Variants in PIGH observed in about 807,000 individuals in gnomAD.
PIGH encodes phosphatidylinositol N-acetylglucosaminyltransferase subunit H.
In PIGH, 11 loss-of-function variants were observed where a neutral mutation model predicts 20.1. The observed-to-expected ratio is 0.55, with a 90% CI of 0.34 to 0.91. The LOEUF is 0.91. Among genes scored for constraint, PIGH ranks in the 40% least tolerant of loss-of-function variants. The pLI is 0.02. For missense variants in PIGH, 189 were observed against 233.6 expected (o/e 0.81, Z 1.24); for synonymous variants, 72 against 93.1 (o/e 0.77, Z 1.31).
intron 3 of PIGH, 60 bp from the exon 4 acceptor site, chr14:67,590,232 G>T: frequency 1.5e-6 from 2 of 1,335,390 alleles, no homozygotes; most frequent in Non-Finnish European, 2.0e-6. Flanking sequence ...GTGCAGTGGT[G>T]CTGCATCCAC....
At chr14:67,590,232 G>A in intron 3 of PIGH, 60 bp from the exon 4 acceptor site, 1 of 1,335,394 alleles carries the variant, frequency 7.5e-7, no homozygotes. Context: ...GTGCAGTGGT[G>A]CTGCATCCAC....
Position 67,600,192 on chromosome 14 carries a change from C to T in PIGH, c.12G>A (p.Glu4=). 6.3e-7 allele frequency: 1 copy of T among 1,580,250 alleles called. No individual in the cohort carries two copies. The highest frequency in any genetic ancestry group is 8.6e-7 in the Non-Finnish European group (1 of 1,163,716). MED[E]RSFSDICGGR... ...CGCCGCAGATATCCGAAAAGCTCCG[C>T]TCATCCTCCATGACGCCCCCACTCG... Residue 4 remains glutamate, a synonymous_variant, in exon 1 of 4, where the codon GAG becomes GAA. Coordinates refer to ENST00000216452, the MANE Select transcript of PIGH (RefSeq NM_004569.5).
intron 1 of PIGH, among the ~76,000 whole-genome samples, chr14:67,594,719 T>C (rs2036438772): frequency 6.6e-6 from 1 of 151,980 alleles, no homozygotes. Context: ...AGTTATGTCC[T>C]GATAAACCCA....
Position 67,589,345 on chromosome 14 carries a change from A to G in PIGH, c.*735T>C. 1.0e-6 allele frequency: 1 copy of G among 980,104 alleles called. No individual in the cohort carries two copies. The highest frequency in any genetic ancestry group is 1.2e-6 in the Non-Finnish European group (1 of 825,108). The allele number at this position is 980,104 out of a possible 1,614,324, so 60.7% of individuals were successfully genotyped here. On this transcript the variant is annotated 3_prime_UTR_variant, in exon 4 of 4. Transcript: ENST00000216452. ...TGCTTATTTATTCTTTGTTAACATG[A>G]GAGTCCCATGTCTGAAAACCAAAGT...
In PIGH at chr14:67,592,688, A is replaced by G. The variant is rs190869461; in HGVS notation, c.421T>C (p.Leu141=). Residue 141 remains leucine, a synonymous_variant, in exon 3 of 4, where the codon TTG becomes CTG. Transcript: ENST00000216452. ...CCATGTGGTTCCACTGGATCTTTCA[A>G]TAAGATGCAGAGGTAGTAAATCACC... ...QKVIYYLCIL[L]KDPVEPHGIS... is the part of the protein sequence containing the mutation. 3.9e-4 allele frequency: 629 copies of G among 1,607,530 alleles called. 2 individuals carry two copies. Among genetic ancestry groups the G allele is most frequent in the Non-Finnish European group, 4.0e-4 (470 of 1,175,672 alleles).
At chr14:67,594,091 C>T in intron 1 of PIGH, 139 bp from the exon 2 acceptor site, 1 of 619,280 alleles carries the variant, frequency 1.6e-6, no homozygotes, top group Non-Finnish European at 2.9e-6. Flanking sequence ...TACAGTGAAA[C>T]AGATCCAGAC....
chr14:67,592,224 CAG>C lies in PIGH; in HGVS notation c.474+409_474+410del, dbSNP rs564863849. 8.7e-3 allele frequency: 2,237 copies of C among 257,150 alleles called. 27 individuals carry two copies. The highest frequency in any genetic ancestry group is 0.019 in the Middle Eastern group (12 of 634). The allele number at this position is 257,150 out of a possible 1,614,324, so 15.9% of individuals were successfully genotyped here. On this transcript the variant is annotated intron_variant, in intron 3 of 3. Transcript: ENST00000216452. ...CTGAGGCAGGAGAATTGCTTGAACT[CAG>C]GAGTTCAAGATCAGCCTAGGCAACA...
At chr14:67,595,135 T>TA (rs11345212) in intron 1 of PIGH, among the ~76,000 whole-genome samples, 1 of 151,370 alleles carries the variant, frequency 6.6e-6, no homozygotes, top group East Asian at 1.9e-4. Context: ...AGACTCCGTC[T>TA]AAAAAAAATA....
Position 67,589,924 on chromosome 14 carries a change from T to C in PIGH, c.*156A>G, listed in dbSNP as rs1040875653. 15 of 1,300,142 alleles carry C rather than the reference T, an allele frequency of 1.2e-5. No individual in the cohort carries two copies. In the African/African-American group the frequency reaches 1.7e-4, roughly 14 times the overall value. The allele number at this position is 1,300,142 out of a possible 1,614,324, so 80.5% of individuals were successfully genotyped here. The stretch of plus-strand genomic sequence containing the variant: ...ATACACGGAAATATACTGAGTTAGA[T>C]TTCCAGTCACCTGCTCTATGGCTCT... On this transcript the variant is annotated 3_prime_UTR_variant, in exon 4 of 4. Transcript: ENST00000216452.
chr14:67,591,788 C>T (rs2036374552), intron 3 of PIGH: 2 of 151,264 alleles, frequency 1.3e-5, no homozygotes, highest in South Asian at 2.1e-4. Flanking sequence ...CTGCCTCAGC[C>T]TCCCCCACAG....
At chr14:67,599,924 A>G in intron 1 of PIGH, 100 bp downstream of exon 1, 1 of 967,172 alleles carries the variant, frequency 1.0e-6, no homozygotes, top group Non-Finnish European at 1.5e-6. Context: ...TCACTGTAGG[A>G]GGGGCCGACC....
At position 67,600,238 on chromosome 14, in the gene PIGH, C is replaced by A. The variant is rs775675582; in HGVS notation, c.-35G>T. 7.3e-6 allele frequency: 11 copies of A among 1,507,312 alleles called. No individual in the cohort carries two copies. The highest frequency in any genetic ancestry group is 1.7e-4 in the Middle Eastern group (1 of 5,810). The allele number at this position is 1,507,312 out of a possible 1,614,324, so 93.4% of individuals were successfully genotyped here. On this transcript the variant is annotated 5_prime_UTR_variant, in exon 1 of 4. Coordinates refer to ENST00000216452, the MANE Select transcript of PIGH (RefSeq NM_004569.5). ...ACTCGGCCGCCCGCACCGCGCGGCG[C>A]TGCACTGCGCTCGCCGGCCCTGGCC...
chr14:67,590,202 C>A, intron 3 of PIGH, 30 bp from the exon 4 acceptor site: 6 of 1,530,582 alleles, frequency 3.9e-6, no homozygotes, highest in South Asian at 1.2e-5. Context: ...AATGCGGAGT[C>A]AAGGTGAGAA....
intron 1 of PIGH, 55 bp from the exon 2 acceptor site, chr14:67,594,007 C>A: frequency 8.3e-7 from 1 of 1,201,548 alleles, no homozygotes; most frequent in Admixed American, 1.9e-5. Context: ...CCAGTCAACT[C>A]CAGGCAATGA....
intron 3 of PIGH, chr14:67,592,338 G>T: frequency 4.5e-6 from 2 of 439,630 alleles, no homozygotes; most frequent in Non-Finnish European, 8.3e-6. Context: ...TTCTCAGGAG[G>T]CTGAGGCAGG....
chr14:67,590,304 G>C (rs1362353600), intron 3 of PIGH, 132 bp from the exon 4 acceptor site: 2 of 626,628 alleles, frequency 3.2e-6, no homozygotes, highest in African/African-American at 3.9e-5. Context: ...CCAGGCTGGA[G>C]TGCAGTGGCG....
In PIGH at chr14:67,593,819, G is replaced by C; in HGVS notation, c.314C>G (p.Ala105Gly). 4 of 1,613,530 alleles carry C rather than the reference G, an allele frequency of 2.5e-6. No individual in the cohort carries two copies. The highest frequency in any genetic ancestry group is 3.4e-6 in the Non-Finnish European group (4 of 1,179,470). Residue 105 changes from alanine to glycine, a missense_variant, in exon 2 of 4, where the codon GCT (alanine) becomes GGT (glycine). By Grantham distance (60) the Ala-to-Gly change is moderately conservative. Coordinates refer to ENST00000216452, the MANE Select transcript of PIGH (RefSeq NM_004569.5). ...SLGIQMTSSY[A>G]SGKESTTFIE... Reference sequence around the variant, plus strand: ...GAAGGTAGTGCTTTCTTTGCCTGAAGCATAAGATGAAGTCATCTGAATGCC... The same window carrying C: ...GAAGGTAGTGCTTTCTTTGCCTGAACCATAAGATGAAGTCATCTGAATGCC...
At chr14:67,598,236 A>G (rs1484719134) in intron 1 of PIGH, among the ~76,000 whole-genome samples, 1 of 152,214 alleles carries the variant, frequency 6.6e-6, no homozygotes, top group African/African-American at 2.4e-5. Context: ...AAAGTGTTGC[A>G]GTAGAGTTTA....
rs765430132 is a variant in PIGH at position 67,593,880 on chromosome 14, T to G, written c.253A>C (p.Ile85Leu). Reference sequence around the variant, plus strand: ...ATGATTAACAGAGTCTCCTGATCAATCTTCACAAAATGGAGATAACCAAGC... The same window carrying G: ...ATGATTAACAGAGTCTCCTGATCAAGCTTCACAAAATGGAGATAACCAAGC... Reference protein sequence around the residue: ...GLLGYLHFVKIDQETLLIIDS... With the variant: ...GLLGYLHFVKLDQETLLIIDS... Residue 85 changes from isoleucine to leucine, a missense_variant, in exon 2 of 4, where the codon ATT (isoleucine) becomes CTT (leucine). By Grantham distance (5) the Ile-to-Leu change is conservative (BLOSUM62 2). Transcript: ENST00000216452. 3 of 1,613,412 alleles carry G rather than the reference T, an allele frequency of 1.9e-6. No homozygotes were observed. Among genetic ancestry groups the G allele is most frequent in the Non-Finnish European group, 1.7e-6 (2 of 1,179,432 alleles).
Sources: gnomAD v4.1 joint callset for allele counts (sites outside exome capture counted in the v4.1 genomes callset) on GRCh38, gnomAD v4.1.1 for gene constraint, MANE v1.5 for transcripts, NCBI Gene and HGNC (gene_info 2026-07-23, HGNC 2026-07-21) for gene names.